CA10: variants seen among roughly 807,000 people sequenced by gnomAD.
The protein encoded by CA10 is carbonic anhydrase-related protein 10.
CA10 carries 14 observed loss-of-function variants against 44.2 expected under a neutral mutation model. The observed-to-expected ratio is 0.32, with a 90% CI of 0.21 to 0.50. The LOEUF is 0.50. Among genes scored for constraint, CA10 ranks in the 20% least tolerant of loss-of-function variants. CA10 has a pLI of 0.99. For missense variants in CA10, 350 were observed against 409.7 expected (o/e 0.85, Z 1.26); for synonymous variants, 159 against 141.6 (o/e 1.12, Z -0.87).
At chr17:51,898,863 T>A (rs1213823598) in intron 3 of CA10, among the ~76,000 whole-genome samples, 1 of 148,334 alleles carries the variant, frequency 6.7e-6, no homozygotes, top group Non-Finnish European at 1.5e-5. Flanking sequence ...GTCTCTGAGG[T>A]TTTTTTTAAT....
At chr17:52,134,768 G>C in intron 1 of CA10, 1 of 469,638 alleles carries the variant, frequency 2.1e-6, no homozygotes, top group Non-Finnish European at 4.4e-6. Context: ...TCAAAGCAGA[G>C]CTCAGGTTAT....
intron 4 of CA10, among the ~76,000 whole-genome samples, chr17:51,720,222 G>T (rs1051184270): frequency 1.3e-5 from 2 of 152,166 alleles, no homozygotes; most frequent in African/African-American, 2.4e-5. Context: ...CTATGCAATA[G>T]GTTCCTGCCA....
At chr17:51,930,295 C>A (rs1481589453) in intron 3 of CA10, among the ~76,000 whole-genome samples, 1 of 152,052 alleles carries the variant, frequency 6.6e-6, no homozygotes, top group African/African-American at 2.4e-5. Flanking sequence ...CCTTTAACAA[C>A]CTACTCAACA....
chr17:51,879,023 T>C (rs1326923604), intron 3 of CA10, among the ~76,000 whole-genome samples: 2 of 151,020 alleles, frequency 1.3e-5, no homozygotes, highest in East Asian at 3.9e-4. Context: ...TAGATTATTG[T>C]TTTCATTTTT....
chr17:51,962,674 C>T (rs984686207), intron 2 of CA10, among the ~76,000 whole-genome samples: 3 of 152,048 alleles, frequency 2.0e-5, no homozygotes, highest in Non-Finnish European at 4.4e-5. Context: ...CCATATTCAA[C>T]ATTCTCTATG....
intron 2 of CA10, among the ~76,000 whole-genome samples, chr17:51,990,421 T>C (rs1984997976): frequency 7.5e-6 from 1 of 133,350 alleles, no homozygotes; most frequent in South Asian, 2.8e-4. Flanking sequence ...GCTAAAATGT[T>C]TTCCTAATTA....
chr17:52,034,518 A>G (rs974724765), intron 2 of CA10, among the ~76,000 whole-genome samples: 1 of 152,168 alleles, frequency 6.6e-6, no homozygotes, highest in African/African-American at 2.4e-5. Flanking sequence ...GAAATGTGAC[A>G]CAAATTGGCA....
chr17:51,810,258 C>T (rs1907307237), intron 3 of CA10, among the ~76,000 whole-genome samples: 2 of 152,166 alleles, frequency 1.3e-5, no homozygotes, highest in South Asian at 4.1e-4. Flanking sequence ...CCATGTCTGT[C>T]TGATTTCTAG....
intron 2 of CA10, among the ~76,000 whole-genome samples, chr17:51,964,025 C>G (rs370544552): frequency 2.2e-4 from 33 of 152,150 alleles, no homozygotes; most frequent in African/African-American, 7.5e-4. Context: ...AGACCCATCT[C>G]AAACATAAAC....
At chr17:51,687,440 A>G (rs1915044999) in intron 4 of CA10, among the ~76,000 whole-genome samples, 1 of 152,238 alleles carries the variant, frequency 6.6e-6, no homozygotes, top group Non-Finnish European at 1.5e-5. Flanking sequence ...TAAATTCTCA[A>G]TGCCTAATAT....
At chr17:52,033,924 A>T (rs1376833303) in intron 2 of CA10, among the ~76,000 whole-genome samples, 2 of 152,244 alleles carry the variant, frequency 1.3e-5, no homozygotes, top group Non-Finnish European at 2.9e-5. Context: ...AAGTGAAACA[A>T]GCCAGATACA....
At chr17:51,894,024 G>A (rs1005968893) in intron 3 of CA10, among the ~76,000 whole-genome samples, 4 of 152,094 alleles carry the variant, frequency 2.6e-5, no homozygotes, top group African/African-American at 4.8e-5. Context: ...TATTCACAAA[G>A]AGGACAAAAT....
intron 4 of CA10, 137 bp downstream of exon 4, chr17:51,747,496 G>T: frequency 3.0e-6 from 2 of 668,530 alleles, no homozygotes; most frequent in Non-Finnish European, 5.0e-6. Context: ...AAAGACAGAT[G>T]GAGAAAGAAG....
chr17:51,874,960 C>T (rs201252845), intron 3 of CA10, among the ~76,000 whole-genome samples: 6 of 82,960 alleles, frequency 7.2e-5, no homozygotes, highest in Non-Finnish European at 1.3e-4. Flanking sequence ...GTTTTTTTTT[C>T]TTTTTTTTCT....
At chr17:52,073,677 G>A (rs1037983149) in intron 1 of CA10, among the ~76,000 whole-genome samples, 2 of 152,168 alleles carry the variant, frequency 1.3e-5, no homozygotes, top group Admixed American at 6.5e-5. Context: ...GGATTTCCTG[G>A]TATTCTTATT....
At chr17:52,072,642 T>G (rs929266480) in intron 1 of CA10, among the ~76,000 whole-genome samples, 1 of 150,484 alleles carries the variant, frequency 6.6e-6, no homozygotes, top group African/African-American at 2.5e-5. Context: ...ATTATGTATT[T>G]AAGTCCCCTG....
chr17:51,685,813 G>T (rs1343216288), intron 4 of CA10, among the ~76,000 whole-genome samples: 5 of 152,066 alleles, frequency 3.3e-5, no homozygotes. Flanking sequence ...AAAGTCAGAG[G>T]GAGGAAAATG....
At chr17:52,130,507 G>A (rs1276967076) in intron 1 of CA10, among the ~76,000 whole-genome samples, 1 of 152,110 alleles carries the variant, frequency 6.6e-6, no homozygotes, top group Non-Finnish European at 1.5e-5. Context: ...GCAACACCAT[G>A]TATAAACCTA....
intron 4 of CA10, among the ~76,000 whole-genome samples, chr17:51,687,644 AAAGACATCAC>A: frequency 6.6e-6 from 1 of 152,344 alleles, no homozygotes; most frequent in South Asian, 2.1e-4. Context: ...AAATGAGAAC[AAAGACATCAC>A]TGTGGTTCTA....
Sources: allele counts gnomAD v4.1 joint callset (sites outside exome capture counted in the v4.1 genomes callset), GRCh38; gene constraint gnomAD v4.1.1; transcripts MANE v1.5; gene names NCBI Gene and HGNC (gene_info 2026-07-23, HGNC 2026-07-21).